The following PDE1A variants were observed in gnomAD, a reference collection of about 807,000 sequenced individuals.
PDE1A encodes the protein dual specificity calcium/calmodulin-dependent 3',5'-cyclic nucleotide phosphodiesterase 1A.
A neutral mutation model predicts 61.7 loss-of-function variants in PDE1A; 35 were observed. The ratio of observed to expected loss-of-function variants is 0.57; its 90% CI spans 0.43 to 0.75. The LOEUF is 0.75. Among genes scored for constraint, PDE1A ranks in the 30% least tolerant of loss-of-function variants. The pLI is 0.00. For synonymous variants in PDE1A, 232 were observed against 213.2 expected (o/e 1.09, Z -0.77); for missense variants, 597 against 630.6 (o/e 0.95, Z 0.57).
At chr2:182,274,071 G>C (rs2125826759) in intron 1 of PDE1A, among the ~76,000 whole-genome samples, 1 of 152,182 alleles carries the variant, frequency 6.6e-6, no homozygotes, top group South Asian at 2.1e-4. Flanking sequence ...TCACATGGTA[G>C]AAGGAGCAAA....
the PDE1A span, among the ~76,000 whole-genome samples, chr2:182,698,638 T>C: frequency 6.6e-6 from 1 of 152,340 alleles, no homozygotes; most frequent in African/African-American, 2.4e-5. Context: ...AAAAACTGAA[T>C]GATGACATAA....
intron 2 of PDE1A, among the ~76,000 whole-genome samples, chr2:182,455,951 A>T (rs558430143): frequency 6.6e-6 from 1 of 151,852 alleles, no homozygotes; most frequent in Non-Finnish European, 1.5e-5. Flanking sequence ...AGAATTTGCT[A>T]ACAAATATGT....
chr2:182,633,767 CG>C, the PDE1A span, among the ~76,000 whole-genome samples: 22 of 152,166 alleles, frequency 1.4e-4, no homozygotes, highest in Non-Finnish European at 2.9e-5. Flanking sequence ...TCTCACAACA[CG>C]TAAGTCCAAA....
the PDE1A span, among the ~76,000 whole-genome samples, chr2:182,550,117 A>T: frequency 6.6e-6 from 1 of 152,192 alleles, no homozygotes; most frequent in African/African-American, 2.4e-5. Context: ...CAAGACCGGC[A>T]TTAGAATCCA....
chr2:182,533,533 C>T, the PDE1A span, among the ~76,000 whole-genome samples: 1 of 151,772 alleles, frequency 6.6e-6, no homozygotes, highest in Non-Finnish European at 1.5e-5. Flanking sequence ...ATTCTCAGCT[C>T]ATATTATGGA....
intron 2 of PDE1A, among the ~76,000 whole-genome samples, chr2:182,507,808 C>G (rs957412623): frequency 1.3e-5 from 2 of 151,872 alleles, no homozygotes; most frequent in Non-Finnish European, 2.9e-5. Context: ...ATACTGCAAC[C>G]AGTGGGAAGT....
At chr2:182,319,005 T>C (rs1463456227) in intron 1 of PDE1A, among the ~76,000 whole-genome samples, 2 of 152,186 alleles carry the variant, frequency 1.3e-5, no homozygotes, top group African/African-American at 4.8e-5. Flanking sequence ...ATTCTTTTCA[T>C]CACCCTCTCT....
intron 1 of PDE1A, among the ~76,000 whole-genome samples, chr2:182,353,060 T>G (rs971485404): frequency 6.6e-6 from 1 of 152,206 alleles, no homozygotes; most frequent in South Asian, 2.1e-4. Context: ...AGCAAAAATG[T>G]AGCTTGACAA....
chr2:182,285,576 T>C (rs1694101681), intron 1 of PDE1A, among the ~76,000 whole-genome samples: 3 of 152,114 alleles, frequency 2.0e-5, no homozygotes, highest in Admixed American at 6.6e-5. Context: ...AACCTTCTTC[T>C]CCTAACCACT....
rs545360051 is a variant in PDE1A, at chr2:182,412,996, T to C, written c.53+13582A>G. Reference sequence around the variant, plus strand: ...GGCATTTGAATTAGGACTTGAAGCATGGACGAGGACAGAGACCAGTTCAGA... The same window carrying C: ...GGCATTTGAATTAGGACTTGAAGCACGGACGAGGACAGAGACCAGTTCAGA... On this transcript the variant is annotated intron_variant, in intron 1 of 13. Coordinates refer to ENST00000351439, the Ensembl canonical transcript of PDE1A. Among the ~76,000 whole-genome samples, 28 of 152,260 alleles carry C rather than the reference T, an allele frequency of 1.8e-4. 1 individual carries two copies. Among genetic ancestry groups the C allele is most frequent in the Middle Eastern group, 3.4e-3 (1 of 294 alleles).
At chr2:182,497,280 G>C (rs1559515005) in intron 2 of PDE1A, among the ~76,000 whole-genome samples, 1 of 152,150 alleles carries the variant, frequency 6.6e-6, no homozygotes, top group African/African-American at 2.4e-5. Context: ...TGGAAACTAG[G>C]TGGAGGGGTG....
At chr2:182,306,385 T>C (rs957964005) in intron 1 of PDE1A, among the ~76,000 whole-genome samples, 1 of 152,098 alleles carries the variant, frequency 6.6e-6, no homozygotes, top group Non-Finnish European at 1.5e-5. Context: ...GTAATTCTAT[T>C]TTTAGTTTTT....
chr2:182,498,901 C>T (rs1227214201), intron 2 of PDE1A, among the ~76,000 whole-genome samples: 3 of 151,922 alleles, frequency 2.0e-5, no homozygotes, highest in Non-Finnish European at 4.4e-5. Context: ...CGGAAATGCG[C>T]CACTGCACTC....
chr2:182,590,768 A>G, the PDE1A span, among the ~76,000 whole-genome samples: 1 of 152,226 alleles, frequency 6.6e-6, no homozygotes, highest in African/African-American at 2.4e-5. Context: ...TTCTGAGAGG[A>G]AAATATATCT....
the PDE1A span, among the ~76,000 whole-genome samples, chr2:182,584,501 A>G: frequency 3.3e-5 from 5 of 152,346 alleles, no homozygotes; most frequent in East Asian, 9.6e-4. Flanking sequence ...AAAGAAGATA[A>G]TAATAATCAC....
the PDE1A span, among the ~76,000 whole-genome samples, chr2:182,641,941 A>G: frequency 5.9e-5 from 9 of 152,280 alleles, no homozygotes; most frequent in South Asian, 2.1e-4. Flanking sequence ...ACTATGACGT[A>G]CCTCCTAAGA....
intron 2 of PDE1A, among the ~76,000 whole-genome samples, chr2:182,460,889 C>A (rs906190446): frequency 1.3e-5 from 2 of 152,052 alleles, no homozygotes; most frequent in African/African-American, 4.8e-5. Context: ...TTTGTACCAA[C>A]CTAAGAGTAG....
At chr2:182,612,209 T>A in the PDE1A span, among the ~76,000 whole-genome samples, 1 of 152,202 alleles carries the variant, frequency 6.6e-6, no homozygotes, top group Non-Finnish European at 1.5e-5. Flanking sequence ...AACAATTCAG[T>A]CGTTGTGAAT....
the PDE1A span, among the ~76,000 whole-genome samples, chr2:182,623,902 G>C: frequency 2.6e-5 from 4 of 152,204 alleles, no homozygotes; most frequent in African/African-American, 7.2e-5. Flanking sequence ...GAGACGGGCG[G>C]ATCACGAGGT....
Sources: gnomAD v4.1 joint callset for allele counts (sites outside exome capture counted in the v4.1 genomes callset) on GRCh38, gnomAD v4.1.1 for gene constraint, MANE v1.5 for transcripts, NCBI Gene and HGNC (gene_info 2026-07-23, HGNC 2026-07-21) for gene names.